The following TREH variants were observed in gnomAD, a reference collection of about 807,000 sequenced individuals.
TREH encodes trehalase.
A neutral mutation model predicts 80.5 loss-of-function variants in TREH; 69 were observed. The observed-to-expected ratio is 0.86, with a 90% confidence interval of 0.71 to 1.05. The LOEUF (loss-of-function observed/expected upper bound fraction) is 1.05. Among genes scored for constraint, TREH ranks in the 50% least tolerant of loss-of-function variants. The pLI is 0.00. For missense variants in TREH, 716 were observed against 718.8 expected (o/e 1.00, Z 0.04); for synonymous variants, 309 against 293.5 (o/e 1.05, Z -0.54).
chr11:118,663,134 G>C lies in TREH; in HGVS notation c.253C>G (p.Gln85Glu). 1 of 1,613,966 alleles carries C rather than the reference G, an allele frequency of 6.2e-7. No individual in the cohort carries two copies. The highest frequency in any genetic ancestry group is 8.5e-7 in the Non-Finnish European group (1 of 1,179,882). ...RDHNHSIPRE[Q>E]LQAFVHEHFQ... ...TGTTCGTGGACAAACGCCTGCAGCT[G>C]CTCCCTGGGGATGCTGTGATTGTGG... The change falls in exon 3 of 15, where the codon CAG becomes GAG. Residue 85 changes from glutamine (Q) to glutamate (E), a missense_variant. Gln to Glu is a conservative substitution (Grantham distance 29). Transcript: ENST00000264029.
chr11:118,670,014 GAACAA>G (rs1197707331), intron 1 of TREH, among the ~76,000 whole-genome samples: 1 of 151,234 alleles, frequency 6.6e-6, no homozygotes, highest in African/African-American at 2.4e-5. Flanking sequence ...TAAAAAAAAA[GAACAA>G]AACAAAACAA....
chr11:118,678,737 T>C (rs11602114), intron 1 of TREH, among the ~76,000 whole-genome samples: 2,482 of 150,950 alleles, frequency 0.016, 80 homozygotes, highest in African/African-American at 0.057. Flanking sequence ...CATAAATCCA[T>C]GTGGAACGAA....
At chr11:118,663,249 A>G (rs2137267607) in intron 2 of TREH, 53 bp from the exon 3 acceptor site, 1 of 1,570,292 alleles carries the variant, frequency 6.4e-7, no homozygotes, top group Non-Finnish European at 8.6e-7. Flanking sequence ...GCCACTCCCT[A>G]ATCACAGGGG....
intron 1 of TREH, 144 bp downstream of exon 1, chr11:118,679,395 A>C: frequency 1.2e-4 from 115 of 981,070 alleles, no homozygotes; most frequent in Middle Eastern, 2.3e-4. Flanking sequence ...CTACATAGGA[A>C]TTCTCATTTT....
chr11:118,661,842 C>G lies in TREH; in HGVS notation c.524+48G>C. 6.3e-7 allele frequency: 1 copy of G among 1,578,954 alleles called. No individual in the cohort carries two copies. Among genetic ancestry groups the G allele is most frequent in the Non-Finnish European group, 8.6e-7 (1 of 1,161,272 alleles). On this transcript the variant is annotated intron_variant, in intron 5 of 14. Coordinates refer to ENST00000264029, the MANE Select transcript of TREH (RefSeq NM_007180.3). This position sits in a 1 kb window ranked among gnomAD's most constrained non-coding sequence, Gnocchi z 4.2. ...CCCTGCTGGCCCTGGGTTTCTCCACCACTGCCAGTCCTGCAGGCCCCTTGG... is the reference window on the plus strand; with the variant it reads ...CCCTGCTGGCCCTGGGTTTCTCCACGACTGCCAGTCCTGCAGGCCCCTTGG...
At position 118,657,502 on chromosome 11, in the gene TREH, T is replaced by C. The variant is rs1393379275; in HGVS notation, c.*787A>G. The C allele has an allele frequency of 6.5e-6, 1 of 152,760 alleles. No individual in the cohort carries two copies. The highest frequency in any genetic ancestry group is 1.5e-5 in the Non-Finnish European group (1 of 68,190). 9.5% of individuals were successfully genotyped at this position (152,760 alleles called of 1,614,324 possible). ...CCAGCCCAGGCCCCTGGGCATCTCATGCTGGGGGGAAGGGACTGAATACCT... is the reference window on the plus strand; with the variant it reads ...CCAGCCCAGGCCCCTGGGCATCTCACGCTGGGGGGAAGGGACTGAATACCT... On this transcript the variant is annotated 3_prime_UTR_variant, in exon 15 of 15. Transcript: ENST00000264029.
At chr11:118,665,963 C>T (rs990341959) in intron 1 of TREH, among the ~76,000 whole-genome samples, 3 of 151,760 alleles carry the variant, frequency 2.0e-5, no homozygotes, top group Non-Finnish European at 4.4e-5. Context: ...ATAGGCCGGG[C>T]GCGGTGGCTC....
At chr11:118,670,899 C>T (rs551131490) in intron 1 of TREH, among the ~76,000 whole-genome samples, 1 of 152,346 alleles carries the variant, frequency 6.6e-6, no homozygotes, top group Admixed American at 6.5e-5. Flanking sequence ...GGACTTCCCT[C>T]ATTGCATTTC....
intron 1 of TREH, among the ~76,000 whole-genome samples, chr11:118,664,371 G>T (rs1309103645): frequency 6.6e-6 from 1 of 152,234 alleles, no homozygotes; most frequent in Non-Finnish European, 1.5e-5. Flanking sequence ...AGAATCGAAT[G>T]ATAAAAGCCC....
chr11:118,675,799 G>T (rs1555146759), intron 1 of TREH, among the ~76,000 whole-genome samples: 1 of 152,168 alleles, frequency 6.6e-6, no homozygotes, highest in South Asian at 2.1e-4. Context: ...CACCTCCCAG[G>T]TCAATGATTC....
chr11:118,673,688 T>C (rs974009163), intron 1 of TREH, among the ~76,000 whole-genome samples: 27 of 152,350 alleles, frequency 1.8e-4, no homozygotes, highest in Admixed American at 1.8e-3. Flanking sequence ...ACTCCTAAAA[T>C]TCCTGTTGTG....
At chr11:118,673,943 T>C (rs534158872) in intron 1 of TREH, among the ~76,000 whole-genome samples, 62 of 152,324 alleles carry the variant, frequency 4.1e-4, no homozygotes, top group African/African-American at 1.5e-3. Context: ...TAGGGCACTG[T>C]CCAATTGGCA....
chr11:118,661,522 A>C lies in TREH; in HGVS notation c.618-13T>G. 1 of 1,613,012 alleles carries C rather than the reference A, an allele frequency of 6.2e-7. No homozygotes were observed. On this transcript the variant is annotated splice_polypyrimidine_tract_variant and intron_variant, in intron 6 of 14. Coordinates refer to ENST00000264029, the MANE Select transcript of TREH (RefSeq NM_007180.3). This position sits in a 1 kb window ranked among gnomAD's most constrained non-coding sequence, Gnocchi z 4.2. Reference sequence around the variant, plus strand: ...GACATGCCCATAGCTGCCAAGGGGAAGGCCTGCTGAGATGCCCTCTCCCCA... The same window carrying C: ...GACATGCCCATAGCTGCCAAGGGGACGGCCTGCTGAGATGCCCTCTCCCCA...
At chr11:118,672,505 T>G (rs1555146408) in intron 1 of TREH, among the ~76,000 whole-genome samples, 1 of 150,762 alleles carries the variant, frequency 6.6e-6, no homozygotes, top group African/African-American at 2.4e-5. Flanking sequence ...AGGTCCTGAG[T>G]TCAAGACCAG....
Position 118,679,550 on chromosome 11 carries a change from TG to T in TREH, c.77del (p.Pro26HisfsTer14). On this transcript the variant is annotated frameshift_variant, in exon 1 of 15. Transcript: ENST00000264029. LOFTEE classifies it high-confidence loss of function. The stretch of plus-strand genomic sequence containing the variant: ...CCCCACACCCCTACCTCTCACAGGG[TG>T]GGGGTAGGGCCTCCTGGGACCCCAG... Reference protein sequence around the residue: ...LGLGSQEALPPPCESEIYCHG... With the variant: ...LGLGSQEALPXPCESEIYCHG... The T allele has an allele frequency of 1.3e-6, 2 of 1,530,744 alleles. No homozygotes were observed. Among genetic ancestry groups the T allele is most frequent in the Non-Finnish European group, 1.8e-6 (2 of 1,135,096 alleles). The allele number at this position is 1,530,744 out of a possible 1,614,324, so 94.8% of individuals were successfully genotyped here.
intron 1 of TREH, 147 bp downstream of exon 1, chr11:118,679,392 G>A (rs1565532913): frequency 1.8e-6 from 2 of 1,092,176 alleles, no homozygotes; most frequent in East Asian, 2.9e-5. Context: ...CTGCTACATA[G>A]GAATTCTCAT....
chr11:118,678,204 C>A (rs1366242584), intron 1 of TREH, among the ~76,000 whole-genome samples: 2 of 152,180 alleles, frequency 1.3e-5, no homozygotes, highest in Non-Finnish European at 2.9e-5. Flanking sequence ...CCCAGATCAG[C>A]TCAGCAATGG....
At position 118,679,521 on chromosome 11, in the gene TREH, C is replaced by A; in HGVS notation, c.89+18G>T. 6.8e-7 allele frequency: 1 copy of A among 1,473,710 alleles called. No individual in the cohort carries two copies. The highest frequency in any genetic ancestry group is 9.0e-7 in the Non-Finnish European group (1 of 1,107,058). 91.3% of individuals were successfully genotyped at this position (1,473,710 alleles called of 1,614,324 possible). ...CTCTTATTGCCATCCTCCCCTGCTG[C>A]CTTCCCCACACCCCTACCTCTCACA... On this transcript the variant is annotated intron_variant, in intron 1 of 14. Transcript: ENST00000264029.
At chr11:118,659,600 C>A in intron 11 of TREH, 119 bp from the exon 12 acceptor site, 1 of 1,356,410 alleles carries the variant, frequency 7.4e-7, no homozygotes, top group Non-Finnish European at 1.0e-6. Flanking sequence ...TCTCGGCTCA[C>A]AGCTGCCCCC....
Sources: gnomAD v4.1 joint callset for allele counts (sites outside exome capture counted in the v4.1 genomes callset) on GRCh38, gnomAD v4.1.1 for gene constraint, Gnocchi (gnomAD v3.1) non-coding constraint, MANE v1.5 for transcripts, NCBI Gene and HGNC (gene_info 2026-07-23, HGNC 2026-07-21) for gene names.